The following GRXCR2 variants were observed in gnomAD, a reference collection of about 807,000 sequenced individuals.
GRXCR2 encodes glutaredoxin domain-containing cysteine-rich protein 2.
GRXCR2 carries 23 observed loss-of-function variants against 24.8 expected under a neutral mutation model. That is an observed-to-expected ratio of 0.93 (90% CI 0.67 to 1.32). The LOEUF (loss-of-function observed/expected upper bound fraction) is 1.32. GRXCR2 is among the 40% of genes most tolerant of loss of function. GRXCR2 has a pLI of 0.00. For synonymous variants in GRXCR2, 130 were observed against 116.1 expected, an observed-to-expected ratio of 1.12 and a Z score of -0.77; for missense variants, 315 against 303.4, an observed-to-expected ratio of 1.04 and a Z score of -0.28.
At chr5:145,884,149 T>G (rs981622851) in intron 2 of GRXCR2, among the ~76,000 whole-genome samples, 2 of 152,114 alleles carry the variant, frequency 1.3e-5, no homozygotes, top group African/African-American at 4.8e-5. Flanking sequence ...GACAAAAATC[T>G]TCAATATTTA....
chr5:145,912,280 G>A (rs1227256617), intron 2 of GRXCR2, among the ~76,000 whole-genome samples: 1 of 152,204 alleles, frequency 6.6e-6, no homozygotes, highest in African/African-American at 2.4e-5. Flanking sequence ...GTTACAGCTT[G>A]TGGGGCAGGA....
At chr5:145,867,859 C>T (rs777321774) in intron 1 of GRXCR2, among the ~76,000 whole-genome samples, 2 of 152,152 alleles carry the variant, frequency 1.3e-5, no homozygotes, top group Admixed American at 6.5e-5. Context: ...AGAAATGCTT[C>T]CATACTGAGT....
chr5:145,903,458 T>C (rs1331412634), intron 2 of GRXCR2, among the ~76,000 whole-genome samples: 1 of 151,664 alleles, frequency 6.6e-6, no homozygotes, highest in Non-Finnish European at 1.5e-5. Flanking sequence ...TTACTCCCTA[T>C]CCTTCATCAG....
intron 2 of GRXCR2, among the ~76,000 whole-genome samples, chr5:145,898,922 G>A (rs749516613): frequency 6.6e-6 from 1 of 151,970 alleles, no homozygotes; most frequent in South Asian, 2.1e-4. Flanking sequence ...GAAATCAGAC[G>A]AAAGAAAGAG....
intron 2 of GRXCR2, among the ~76,000 whole-genome samples, chr5:145,915,591 C>A (rs574758731): frequency 6.6e-6 from 1 of 152,202 alleles, no homozygotes; most frequent in Admixed American, 6.5e-5. Flanking sequence ...TCGAGACCAG[C>A]CTGGCCAATA....
intron 2 of GRXCR2, among the ~76,000 whole-genome samples, chr5:145,887,560 T>C (rs1756795518): frequency 2.0e-5 from 3 of 152,192 alleles, no homozygotes; most frequent in Non-Finnish European, 4.4e-5. Context: ...TGAAGAGCAA[T>C]CCTACACAAC....
upstream of GRXCR2, among the ~76,000 whole-genome samples, chr5:145,875,068 T>G (rs1336245312): frequency 6.6e-6 from 1 of 152,202 alleles, no homozygotes; most frequent in Non-Finnish European, 1.5e-5. Flanking sequence ...GCCCTTCCTA[T>G]TTTTCCCTCC....
upstream of GRXCR2, among the ~76,000 whole-genome samples, chr5:145,876,191 G>GTGTA (rs1412232264): frequency 0.016 from 1,672 of 105,230 alleles, 19 homozygotes; most frequent in East Asian, 0.069. Flanking sequence ...GTGTGTGTGT[G>GTGTA]TATATATATA....
chr5:145,864,641 C>A (rs1042696447), intron 2 of GRXCR2, among the ~76,000 whole-genome samples: 4 of 151,966 alleles, frequency 2.6e-5, no homozygotes, highest in Non-Finnish European at 5.9e-5. Context: ...TCTTTCTCTC[C>A]CCTGCTGCCA....
intron 2 of GRXCR2, among the ~76,000 whole-genome samples, chr5:145,923,515 T>A (rs1398517542): frequency 6.6e-6 from 1 of 152,178 alleles, no homozygotes; most frequent in Non-Finnish European, 1.5e-5. Flanking sequence ...GCATAAAAAG[T>A]ACTCTGACTC....
intron 2 of GRXCR2, among the ~76,000 whole-genome samples, chr5:145,901,257 T>TA (rs1757018917): frequency 6.6e-6 from 1 of 151,840 alleles, no homozygotes; most frequent in Non-Finnish European, 1.5e-5. Context: ...TCATATAATA[T>TA]ACCCAAGTAT....
intron 2 of GRXCR2, among the ~76,000 whole-genome samples, chr5:145,919,822 A>C (rs1253900560): frequency 2.0e-5 from 3 of 152,200 alleles, no homozygotes; most frequent in African/African-American, 7.2e-5. Context: ...ACAGAGAAGA[A>C]GACTCTGGGC....
chr5:145,859,910 C>T lies in GRXCR2; in HGVS notation c.570G>A (p.Gly190=). 1.3e-6 allele frequency: 2 copies of T among 1,569,396 alleles called. No individual in the cohort carries two copies. The highest frequency in any genetic ancestry group is 1.7e-6 in the Non-Finnish European group (2 of 1,157,422). ...TLPQNRYTQE[G]DIPEDSCFHC... ...GAAAACAGCTGTCCTCGGGAATATCCCCTTCCTGCAAGAGACAGGTTAGGG... is the reference window on the plus strand; with the variant it reads ...GAAAACAGCTGTCCTCGGGAATATCTCCTTCCTGCAAGAGACAGGTTAGGG... Residue 190 remains glycine, a synonymous_variant, in exon 3 of 3, where the codon GGG becomes GGA. Coordinates refer to ENST00000377976, the MANE Select transcript of GRXCR2 (RefSeq NM_001080516.2).
chr5:145,889,180 GAAAGA>G (rs1756822995), intron 2 of GRXCR2, among the ~76,000 whole-genome samples: 1 of 95,740 alleles, frequency 1.0e-5, no homozygotes, highest in Non-Finnish European at 2.2e-5. Flanking sequence ...AAAAAAGAAA[GAAAGA>G]AAGAAAGAAA....
At chr5:145,889,171 AAAAAG>A (rs1188681658) in intron 2 of GRXCR2, among the ~76,000 whole-genome samples, 9 of 139,400 alleles carry the variant, frequency 6.5e-5, no homozygotes, top group African/African-American at 2.2e-4. Flanking sequence ...TCTGTCTCAA[AAAAAG>A]AAAGAAAGAA....
chr5:145,872,677 C>A lies in GRXCR2; in HGVS notation c.292G>T (p.Gly98Cys), dbSNP rs141629319. The A allele has an allele frequency of 7.6e-4, 1,227 of 1,608,586 alleles. 1 individual carries two copies. Among genetic ancestry groups the A allele is most frequent in the Middle Eastern group, 1.7e-3 (10 of 6,032 alleles). The change falls in exon 1 of 3, where the codon GGC (glycine) becomes TGC (cysteine). Residue 98 changes from glycine to cysteine, a missense_variant. By Grantham distance (159) the Gly-to-Cys change is radical. Coordinates refer to ENST00000377976, the MANE Select transcript of GRXCR2 (RefSeq NM_001080516.2). ...FREGNAYTLA[G>C]GQPRFNDYKA... ...TAATCGTTGAACCGAGGCTGGCCGCCTGCCAAGGTGTAGGCATTACCCTCT... is the reference window on the plus strand; with the variant it reads ...TAATCGTTGAACCGAGGCTGGCCGCATGCCAAGGTGTAGGCATTACCCTCT...
At chr5:145,917,897 A>G (rs1757262963) in intron 2 of GRXCR2, among the ~76,000 whole-genome samples, 1 of 152,224 alleles carries the variant, frequency 6.6e-6, no homozygotes, top group Admixed American at 6.5e-5. Flanking sequence ...CTCCTGCCTC[A>G]GCCTCCCAAG....
chr5:145,931,619 C>T (rs1393096688), intron 2 of GRXCR2, among the ~76,000 whole-genome samples: 1 of 152,180 alleles, frequency 6.6e-6, no homozygotes, highest in Non-Finnish European at 1.5e-5. Context: ...CTTCACATTT[C>T]TGCTGTTGTC....
At chr5:145,920,522 G>A (rs1757307539) in intron 2 of GRXCR2, among the ~76,000 whole-genome samples, 1 of 152,220 alleles carries the variant, frequency 6.6e-6, no homozygotes, top group Non-Finnish European at 1.5e-5. Context: ...AATATTGAGT[G>A]ATGGTCTGAA....
Sources: allele counts gnomAD v4.1 joint callset (sites outside exome capture counted in the v4.1 genomes callset), GRCh38; gene constraint gnomAD v4.1.1; transcripts MANE v1.5; gene names NCBI Gene and HGNC (gene_info 2026-07-23, HGNC 2026-07-21).